Variants in ENTREP2 observed in about 807,000 individuals in gnomAD.
ENTREP2 encodes the protein endosomal transmembrane epsin interactor 2.
At chr15:29,490,916 G>A in the ENTREP2 span, among the ~76,000 whole-genome samples, 4 of 152,224 alleles carry the variant, frequency 2.6e-5, no homozygotes, top group Non-Finnish European at 5.9e-5. Flanking sequence ...CGCCTATGGA[G>A]CAGGGGGTGA....
At chr15:29,290,474 A>G in the ENTREP2 span, among the ~76,000 whole-genome samples, 2 of 152,324 alleles carry the variant, frequency 1.3e-5, no homozygotes, top group East Asian at 1.9e-4. Flanking sequence ...CTTTTTCACC[A>G]TAACACTCAC....
chr15:29,269,138 C>G, the ENTREP2 span: 1 of 1,614,072 alleles, frequency 6.2e-7, no homozygotes, highest in Non-Finnish European at 8.5e-7. Flanking sequence ...ATGGTGTTGC[C>G]CTTCATAAAG....
the ENTREP2 span, among the ~76,000 whole-genome samples, chr15:29,581,656 C>G: frequency 1.3e-5 from 2 of 151,896 alleles, no homozygotes; most frequent in African/African-American, 4.8e-5. Context: ...TGTAAATTCT[C>G]CCCAAATTTC....
chr15:29,430,133 CAAG>C, the ENTREP2 span, among the ~76,000 whole-genome samples: 1 of 152,084 alleles, frequency 6.6e-6, no homozygotes, highest in Non-Finnish European at 1.5e-5. Flanking sequence ...TGGGGAAAGG[CAAG>C]AAGGCTTTCT....
chr15:29,333,558 A>G, the ENTREP2 span, among the ~76,000 whole-genome samples: 1 of 152,218 alleles, frequency 6.6e-6, no homozygotes, highest in Non-Finnish European at 1.5e-5. Context: ...AGCTACACAC[A>G]GACCCTATCC....
the ENTREP2 span, among the ~76,000 whole-genome samples, chr15:29,479,621 T>G: frequency 1.5e-5 from 2 of 131,694 alleles, no homozygotes; most frequent in South Asian, 2.5e-4. Flanking sequence ...TCCCTCCCTC[T>G]CTTTCTCTCT....
chr15:29,490,980 AG>A, the ENTREP2 span, among the ~76,000 whole-genome samples: 1 of 152,164 alleles, frequency 6.6e-6, no homozygotes, highest in East Asian at 1.9e-4. Flanking sequence ...AGCCCACTGC[AG>A]GGGGCAGCAT....
the ENTREP2 span, among the ~76,000 whole-genome samples, chr15:29,204,153 C>T: frequency 2.0e-5 from 3 of 152,174 alleles, no homozygotes; most frequent in Non-Finnish European, 4.4e-5. Flanking sequence ...TAAGAGTACC[C>T]CTCAGTGTTC....
chr15:29,556,645 G>C, the ENTREP2 span, among the ~76,000 whole-genome samples: 2 of 152,064 alleles, frequency 1.3e-5, no homozygotes, highest in African/African-American at 2.4e-5. Flanking sequence ...GCTGACTCCC[G>C]CACATTTCTG....
At chr15:29,521,544 A>G in the ENTREP2 span, among the ~76,000 whole-genome samples, 19 of 152,180 alleles carry the variant, frequency 1.2e-4, no homozygotes, top group Admixed American at 1.1e-3. Flanking sequence ...ATTTAGAGAC[A>G]TATCTGTCTT....
At chr15:29,421,515 G>A in the ENTREP2 span, among the ~76,000 whole-genome samples, 2 of 152,180 alleles carry the variant, frequency 1.3e-5, no homozygotes, top group Admixed American at 1.3e-4. Context: ...AGTTGCCTCT[G>A]CACAAGTTAG....
At chr15:29,462,763 T>C in the ENTREP2 span, among the ~76,000 whole-genome samples, 3 of 152,286 alleles carry the variant, frequency 2.0e-5, no homozygotes, top group South Asian at 2.1e-4. Context: ...ATGACCCCTA[T>C]GTCCAGAGGA....
the ENTREP2 span, among the ~76,000 whole-genome samples, chr15:29,595,045 G>A: frequency 7.8e-6 from 1 of 127,720 alleles, no homozygotes. Flanking sequence ...TCCAGACTGG[G>A]CGACAGAGTC....
the ENTREP2 span, chr15:29,137,183 C>T: frequency 3.4e-6 from 5 of 1,479,668 alleles, no homozygotes; most frequent in African/African-American, 7.3e-5. Context: ...GATGTGACCT[C>T]TGCGGAAGGA....
the ENTREP2 span, among the ~76,000 whole-genome samples, chr15:29,442,779 A>G: frequency 6.6e-6 from 1 of 152,174 alleles, no homozygotes; most frequent in Non-Finnish European, 1.5e-5. Context: ...AATGGGAAAA[A>G]CAGAAGATGA....
chr15:29,570,240 G>A, the ENTREP2 span, among the ~76,000 whole-genome samples: 3 of 151,684 alleles, frequency 2.0e-5, no homozygotes, highest in African/African-American at 7.3e-5. Flanking sequence ...AGGACGGCGG[G>A]CGCCTGGCTG....
At chr15:29,367,357 A>G in the ENTREP2 span, among the ~76,000 whole-genome samples, 1 of 152,232 alleles carries the variant, frequency 6.6e-6, no homozygotes, top group African/African-American at 2.4e-5. Flanking sequence ...CTAGAAGACC[A>G]TACTTACAAA....
At chr15:29,566,140 GTA>G in the ENTREP2 span, among the ~76,000 whole-genome samples, 1 of 151,838 alleles carries the variant, frequency 6.6e-6, no homozygotes, top group Non-Finnish European at 1.5e-5. Flanking sequence ...GTATGTGTGT[GTA>G]TATATATTTT....
chr15:29,396,410 G>A, the ENTREP2 span, among the ~76,000 whole-genome samples: 1 of 151,786 alleles, frequency 6.6e-6, no homozygotes, highest in Admixed American at 6.6e-5. Context: ...AATGTCCTCT[G>A]GGTTCATCCA....
Sources: gnomAD v4.1 joint callset for allele counts (sites outside exome capture counted in the v4.1 genomes callset) on GRCh38, gnomAD v4.1.1 for gene constraint, MANE v1.5 for transcripts, NCBI Gene and HGNC (gene_info 2026-07-23, HGNC 2026-07-21) for gene names.